The following GALNT13 variants were observed in gnomAD, a reference collection of about 807,000 sequenced individuals.
GALNT13 encodes polypeptide N-acetylgalactosaminyltransferase 13.
A neutral mutation model predicts 64.2 loss-of-function variants in GALNT13; 28 were observed. The ratio of observed to expected loss-of-function variants is 0.44; its 90% CI spans 0.32 to 0.60. The LOEUF is 0.60. Ranked by LOEUF, GALNT13 falls within the 20% of genes least tolerant of loss-of-function variation. The pLI is 0.05. For missense variants in GALNT13, 577 were observed against 669.8 expected, an observed-to-expected ratio of 0.86 and a Z score of 1.53; for synonymous variants, 214 against 224.6, an observed-to-expected ratio of 0.95 and a Z score of 0.42.
chr2:154,255,078 AT>A (rs1370907156), intron 7 of GALNT13, among the ~76,000 whole-genome samples: 4 of 152,232 alleles, frequency 2.6e-5, no homozygotes, highest in Non-Finnish European at 5.9e-5. Flanking sequence ...GGGGATGTCA[AT>A]AAGAATCATA....
At chr2:153,246,521 A>G in the GALNT13 span, among the ~76,000 whole-genome samples, 2 of 152,238 alleles carry the variant, frequency 1.3e-5, no homozygotes, top group Non-Finnish European at 2.9e-5. Context: ...ACAATTTTCA[A>G]CCCAGAATTT....
In GALNT13 at chr2:154,286,910, T is replaced by A. The variant is rs776901693; in HGVS notation, c.976-14499T>A. 1.5e-5 allele frequency: 7 copies of A among 479,118 alleles called. No individual in the cohort carries two copies. The East Asian group carries it at 2.2e-4, about 15-fold the overall frequency. The allele number at this position is 479,118 out of a possible 1,614,324, so 29.7% of individuals were successfully genotyped here. A position where few individuals can be genotyped will look rare whatever the true frequency, so the allele number is the denominator to read the frequency against. On this transcript the variant is annotated intron_variant, in intron 8 of 12. Transcript: ENST00000392825. Reference sequence around the variant, plus strand: ...GTTGCTAGCCAGTTTGCGCACATCTTCACCAGCATCGGAGAGGACTACAAT... The same window carrying A: ...GTTGCTAGCCAGTTTGCGCACATCTACACCAGCATCGGAGAGGACTACAAT...
the GALNT13 span, among the ~76,000 whole-genome samples, chr2:153,866,615 ACTTT>A: frequency 2.0e-5 from 3 of 152,218 alleles, no homozygotes; most frequent in East Asian, 5.8e-4. Context: ...AACTAATTAT[ACTTT>A]CTTCATGTCA....
the GALNT13 span, among the ~76,000 whole-genome samples, chr2:153,754,612 G>C: frequency 6.6e-6 from 1 of 152,098 alleles, no homozygotes; most frequent in Non-Finnish European, 1.5e-5. Context: ...GTAGGAAGGA[G>C]TCTCTTTTGG....
intron 3 of GALNT13, among the ~76,000 whole-genome samples, chr2:154,129,856 A>G (rs1168012828): frequency 6.6e-6 from 1 of 152,122 alleles, no homozygotes; most frequent in Non-Finnish European, 1.5e-5. Context: ...CTGATCATCA[A>G]CTTTCCAATC....
At chr2:154,165,800 G>A (rs1684989941) in intron 4 of GALNT13, among the ~76,000 whole-genome samples, 1 of 152,156 alleles carries the variant, frequency 6.6e-6, no homozygotes, top group Non-Finnish European at 1.5e-5. Flanking sequence ...ACTCCAAGCT[G>A]AGAAGAAAAT....
the GALNT13 span, among the ~76,000 whole-genome samples, chr2:153,614,977 C>G: frequency 2.0e-5 from 3 of 152,044 alleles, no homozygotes; most frequent in African/African-American, 7.2e-5. Flanking sequence ...CTTATTCCTT[C>G]CAACTATTTA....
At chr2:153,356,315 A>G in the GALNT13 span, among the ~76,000 whole-genome samples, 144 of 152,384 alleles carry the variant, frequency 9.4e-4, no homozygotes, top group Non-Finnish European at 1.6e-3. Context: ...GTTAAAGGTC[A>G]GAACTCTTCT....
chr2:153,178,911 A>AT, the GALNT13 span, among the ~76,000 whole-genome samples: 991 of 142,934 alleles, frequency 6.9e-3, 16 homozygotes, highest in African/African-American at 0.023. Context: ...GTTTTTTGGT[A>AT]TTTTTTTTTT....
At chr2:153,829,493 A>G in the GALNT13 span, among the ~76,000 whole-genome samples, 1 of 152,082 alleles carries the variant, frequency 6.6e-6, no homozygotes, top group Non-Finnish European at 1.5e-5. Context: ...AGACTTATTC[A>G]CTACCACAAG....
intron 3 of GALNT13, among the ~76,000 whole-genome samples, chr2:154,124,214 G>A (rs969483994): frequency 1.3e-5 from 2 of 151,812 alleles, no homozygotes; most frequent in African/African-American, 4.8e-5. Flanking sequence ...TTCCATGGAT[G>A]ATAAGGAAGC....
At chr2:154,147,257 T>C (rs1683662279) in intron 4 of GALNT13, among the ~76,000 whole-genome samples, 1 of 151,740 alleles carries the variant, frequency 6.6e-6, no homozygotes, top group African/African-American at 2.4e-5. Flanking sequence ...GACCTAATTG[T>C]GTACCAATGA....
chr2:154,204,252 C>T (rs1235802527), intron 4 of GALNT13, among the ~76,000 whole-genome samples: 2 of 152,070 alleles, frequency 1.3e-5, no homozygotes, highest in Non-Finnish European at 2.9e-5. Context: ...AATATATTAC[C>T]CTATTTAAGT....
chr2:153,267,695 C>G, the GALNT13 span, among the ~76,000 whole-genome samples: 3 of 152,168 alleles, frequency 2.0e-5, no homozygotes, highest in Non-Finnish European at 4.4e-5. Flanking sequence ...GTGAAGATCT[C>G]TGATATGCCC....
chr2:153,599,775 T>G, the GALNT13 span, among the ~76,000 whole-genome samples: 3 of 152,016 alleles, frequency 2.0e-5, no homozygotes, highest in African/African-American at 7.2e-5. Context: ...TGTTTTTAGT[T>G]CCTAGACTGG....
intron 4 of GALNT13, among the ~76,000 whole-genome samples, chr2:154,239,229 T>C (rs935499014): frequency 5.3e-5 from 8 of 152,174 alleles, no homozygotes; most frequent in Admixed American, 3.9e-4. Flanking sequence ...TATCGAAATA[T>C]CTGCTTTTAG....
chr2:153,706,177 A>G, the GALNT13 span, among the ~76,000 whole-genome samples: 1 of 151,948 alleles, frequency 6.6e-6, no homozygotes. Flanking sequence ...TTGTATTTTT[A>G]GTAGAGATGG....
the GALNT13 span, among the ~76,000 whole-genome samples, chr2:153,169,327 T>C: frequency 6.6e-6 from 1 of 152,192 alleles, no homozygotes; most frequent in Admixed American, 6.5e-5. Context: ...CAGAGGTTTT[T>C]GATTCAGGTG....
At chr2:153,179,311 G>A in the GALNT13 span, among the ~76,000 whole-genome samples, 2 of 152,056 alleles carry the variant, frequency 1.3e-5, no homozygotes, top group African/African-American at 4.8e-5. Context: ...CAACATAAAA[G>A]GCACATTTGT....
Sources: allele counts gnomAD v4.1 joint callset (sites outside exome capture counted in the v4.1 genomes callset), GRCh38; gene constraint gnomAD v4.1.1; transcripts MANE v1.5; gene names NCBI Gene and HGNC (gene_info 2026-07-23, HGNC 2026-07-21).